KCND2: variants seen among roughly 807,000 people sequenced by gnomAD.
KCND2 encodes the protein A-type voltage-gated potassium channel KCND2.
In KCND2, 16 loss-of-function variants were observed where a neutral mutation model predicts 54.4. The observed-to-expected ratio is 0.29, with a 90% CI of 0.20 to 0.45. The LOEUF is 0.45. KCND2 is among the 20% of genes least tolerant of loss of function. KCND2 has a pLI of 1.00. For missense variants in KCND2, 486 were observed against 824.2 expected (o/e 0.59, Z 5.02); for synonymous variants, 317 against 310.7 (o/e 1.02, Z -0.21).
At chr7:120,438,452 G>A (rs1266447585) in intron 1 of KCND2, among the ~76,000 whole-genome samples, 2 of 152,010 alleles carry the variant, frequency 1.3e-5, no homozygotes, top group Non-Finnish European at 2.9e-5. Context: ...CAAAGATAAA[G>A]GCAATAATTA....
chr7:120,283,678 A>G (rs1799298674), intron 1 of KCND2, among the ~76,000 whole-genome samples: 1 of 152,172 alleles, frequency 6.6e-6, no homozygotes, highest in African/African-American at 2.4e-5. Flanking sequence ...TGATGCAGAT[A>G]ATTATTTCTT....
At chr7:120,333,383 C>G (rs1006738356) in intron 1 of KCND2, among the ~76,000 whole-genome samples, 2 of 152,042 alleles carry the variant, frequency 1.3e-5, no homozygotes, top group Non-Finnish European at 2.9e-5. Context: ...GGGTTAGTTT[C>G]TCTTTACACT....
chr7:120,351,864 G>A (rs1012521255), intron 1 of KCND2, among the ~76,000 whole-genome samples: 2 of 149,664 alleles, frequency 1.3e-5, no homozygotes, highest in African/African-American at 4.9e-5. Context: ...AGGCTGGAGT[G>A]CAGTGGCACG....
chr7:120,435,947 C>G (rs1217402165), intron 1 of KCND2, among the ~76,000 whole-genome samples: 2 of 152,048 alleles, frequency 1.3e-5, no homozygotes, highest in Non-Finnish European at 2.9e-5. Flanking sequence ...CCATGTGGTA[C>G]CTTTTCTAAT....
intron 1 of KCND2, among the ~76,000 whole-genome samples, chr7:120,369,425 G>C (rs1323296511): frequency 6.6e-6 from 1 of 151,948 alleles, no homozygotes; most frequent in Non-Finnish European, 1.5e-5. Context: ...ATGCTTCACT[G>C]GTTGCAATTA....
At chr7:120,722,167 A>G (rs993587617) in intron 1 of KCND2, among the ~76,000 whole-genome samples, 34 of 152,142 alleles carry the variant, frequency 2.2e-4, no homozygotes, top group African/African-American at 7.5e-4. Flanking sequence ...CAAGCCCATG[A>G]CCTGGCTGTA....
intron 1 of KCND2, among the ~76,000 whole-genome samples, chr7:120,694,159 T>C (rs1248924318): frequency 6.6e-6 from 1 of 152,206 alleles, no homozygotes; most frequent in African/African-American, 2.4e-5. Flanking sequence ...CCTAAGCCTA[T>C]TTGTGTGTAG....
chr7:120,391,203 T>G (rs1006303701), intron 1 of KCND2, among the ~76,000 whole-genome samples: 1 of 152,066 alleles, frequency 6.6e-6, no homozygotes, highest in Non-Finnish European at 1.5e-5. Context: ...TTCCTGAGGA[T>G]GATGATTTCC....
At chr7:120,697,701 A>T (rs867136819) in intron 1 of KCND2, among the ~76,000 whole-genome samples, 2 of 152,234 alleles carry the variant, frequency 1.3e-5, no homozygotes, top group Admixed American at 1.3e-4. Context: ...TAATGATAAG[A>T]TAATGCTAAG....
intron 1 of KCND2, among the ~76,000 whole-genome samples, chr7:120,399,877 CA>C (rs1801220485): frequency 6.6e-6 from 1 of 151,906 alleles, no homozygotes; most frequent in East Asian, 1.9e-4. Context: ...AGGTGCCTGC[CA>C]CCACGCCTGA....
rs182597086 is a variant in KCND2 at position 120,538,745 on chromosome 7, G to A, written c.1116-194158G>A. Among the ~76,000 whole-genome samples, 155 of 152,194 alleles carry A rather than the reference G, an allele frequency of 1.0e-3. 1 individual carries two copies. Among genetic ancestry groups the A allele is most frequent in the African/African-American group, 3.6e-3 (150 of 41,534 alleles). On this transcript the variant is annotated intron_variant, in intron 1 of 5. Transcript: ENST00000331113. ...ACTAACCTCGGCCCTATAAAGACCA[G>A]CCAAACCCCATGGGCAGGAGGCCGA...
At chr7:120,746,457 G>A (rs1793008615) in intron 5 of KCND2, among the ~76,000 whole-genome samples, 1 of 152,056 alleles carries the variant, frequency 6.6e-6, no homozygotes, top group South Asian at 2.1e-4. Flanking sequence ...CACACTGTCT[G>A]TAACAGTAAA....
Position 120,547,694 on chromosome 7 carries a change from G to A in KCND2, c.1116-185209G>A, listed in dbSNP as rs541004538. The stretch of plus-strand genomic sequence containing the variant: ...AAAATAACTCTAGGCAACTAAGAAT[G>A]ATGCTGTTCTTCTATGTTTAATTTT... On this transcript the variant is annotated intron_variant, in intron 1 of 5. Coordinates refer to ENST00000331113, the MANE Select transcript of KCND2 (RefSeq NM_012281.3). 3.9e-5 allele frequency among the ~76,000 whole-genome samples: 6 copies of A among 152,132 alleles called. No homozygotes were observed. The South Asian group carries it at 6.2e-4, about 16-fold the overall frequency.
intron 1 of KCND2, among the ~76,000 whole-genome samples, chr7:120,381,691 T>A (rs1800918150): frequency 6.6e-6 from 1 of 152,046 alleles, no homozygotes; most frequent in South Asian, 2.1e-4. Context: ...GAAAAGTTAG[T>A]CAAAATTAGA....
intron 1 of KCND2, among the ~76,000 whole-genome samples, chr7:120,558,614 A>G (rs1156741049): frequency 2.0e-5 from 3 of 152,216 alleles, no homozygotes; most frequent in Admixed American, 1.3e-4. Context: ...CTTCATTTGA[A>G]TGATTCTTTC....
intron 1 of KCND2, among the ~76,000 whole-genome samples, chr7:120,291,003 CAA>C (rs1405922719): frequency 6.6e-6 from 1 of 151,824 alleles, no homozygotes; most frequent in Non-Finnish European, 1.5e-5. Flanking sequence ...ATTGACTGAA[CAA>C]AAATCTGAAA....
intron 1 of KCND2, among the ~76,000 whole-genome samples, chr7:120,706,799 C>G (rs929956917): frequency 6.6e-6 from 1 of 152,094 alleles, no homozygotes; most frequent in African/African-American, 2.4e-5. Context: ...ATCTATAATA[C>G]TTTTTTCCTA....
intron 1 of KCND2, among the ~76,000 whole-genome samples, chr7:120,617,331 C>A (rs1793039114): frequency 6.6e-6 from 1 of 151,958 alleles, no homozygotes; most frequent in South Asian, 2.1e-4. Flanking sequence ...CCAATCTACT[C>A]CATGAACAGA....
intron 1 of KCND2, among the ~76,000 whole-genome samples, chr7:120,653,803 G>C (rs1428177942): frequency 1.3e-5 from 2 of 152,174 alleles, no homozygotes; most frequent in East Asian, 3.9e-4. Context: ...TCTCAGTCCA[G>C]AGGGATTGCT....
Sources: allele counts gnomAD v4.1 joint callset (sites outside exome capture counted in the v4.1 genomes callset), GRCh38; gene constraint gnomAD v4.1.1; transcripts MANE v1.5; gene names NCBI Gene and HGNC (gene_info 2026-07-23, HGNC 2026-07-21).